SGCZ: variants seen among roughly 807,000 people sequenced by gnomAD.
The protein encoded by SGCZ is zeta-sarcoglycan.
SGCZ carries 40 observed loss-of-function variants against 41.3 expected under a neutral mutation model. The ratio of observed to expected loss-of-function variants is 0.97; its 90% CI spans 0.75 to 1.26. The LOEUF (loss-of-function observed/expected upper bound fraction) is 1.26. SGCZ is among the 50% of genes most tolerant of loss of function. The pLI is 0.00. For missense variants in SGCZ, 552 were observed against 369.8 expected, an observed-to-expected ratio of 1.49 and a Z score of -4.04; for synonymous variants, 206 against 137.5, an observed-to-expected ratio of 1.50 and a Z score of -3.49.
intron 1 of SGCZ, among the ~76,000 whole-genome samples, chr8:15,069,078 C>T (rs529294502): frequency 6.6e-6 from 1 of 152,188 alleles, no homozygotes; most frequent in African/African-American, 2.4e-5. Flanking sequence ...CACCAATATT[C>T]CAGAATGTTC....
chr8:14,370,291 T>C, intron 2 of SGCZ, among the ~76,000 whole-genome samples: 1 of 152,086 alleles, frequency 6.6e-6, no homozygotes. Flanking sequence ...ATATAGGAAA[T>C]TGTTGGCTTG....
intron 1 of SGCZ, among the ~76,000 whole-genome samples, chr8:14,702,233 G>T (rs548087737): frequency 2.7e-4 from 41 of 151,914 alleles, no homozygotes; most frequent in African/African-American, 9.9e-4. Flanking sequence ...ATTTCCACTT[G>T]GAAATCTCTT....
intron 1 of SGCZ, among the ~76,000 whole-genome samples, chr8:14,880,817 G>C (rs943526753): frequency 6.6e-6 from 1 of 152,112 alleles, no homozygotes; most frequent in Non-Finnish European, 1.5e-5. Context: ...GTCAGGGGAT[G>C]GGGGTGGGAT....
chr8:14,383,062 C>G (rs1295535504), intron 2 of SGCZ, among the ~76,000 whole-genome samples: 1 of 152,128 alleles, frequency 6.6e-6, no homozygotes, highest in African/African-American at 2.4e-5. Flanking sequence ...GTTTTGTTCC[C>G]AAAATTGTCC....
At chr8:15,227,128 T>C (rs892387201) in intron 1 of SGCZ, among the ~76,000 whole-genome samples, 1 of 152,060 alleles carries the variant, frequency 6.6e-6, no homozygotes, top group African/African-American at 2.4e-5. Flanking sequence ...GAGGTGCCCA[T>C]ACATAACCGG....
At position 15,237,559 on chromosome 8, in the gene SGCZ, C is replaced by T. The variant is rs755056565; in HGVS notation, c.39+26G>A. 7.6e-6 allele frequency: 12 copies of T among 1,583,974 alleles called. No homozygotes were observed. In the East Asian group the frequency reaches 2.5e-4, roughly 33 times the overall value. Reference sequence around the variant, plus strand: ...AGCAGGGAGCGCCGAGAAGCGGCCGCGAAGCCCGCCCGGACCCGCACGTAC... The same window carrying T: ...AGCAGGGAGCGCCGAGAAGCGGCCGTGAAGCCCGCCCGGACCCGCACGTAC... On this transcript the variant is annotated intron_variant, in intron 1 of 7. Coordinates refer to ENST00000382080, the MANE Select transcript of SGCZ (RefSeq NM_139167.4).
intron 5 of SGCZ, among the ~76,000 whole-genome samples, chr8:14,155,248 C>G (rs1047953209): frequency 5.9e-5 from 9 of 152,158 alleles, no homozygotes; most frequent in Non-Finnish European, 8.8e-5. Context: ...TGTGCTAAAT[C>G]TCTTCAAGTT....
Position 14,627,761 on chromosome 8 carries a change from G to T in SGCZ, c.40-72835C>A, listed in dbSNP as rs145773888. Among the ~76,000 whole-genome samples, 1,377 of 143,156 alleles carry T rather than the reference G, an allele frequency of 9.6e-3. 20 individuals are homozygous for T. The highest frequency in any genetic ancestry group is 0.033 in the African/African-American group (1,287 of 39,170). 93.9% of individuals were successfully genotyped at this position (143,156 alleles called of 152,430 possible). Reference sequence around the variant, plus strand: ...TCAATGAATTACTTCATTTTTTTTTGACTGCAATCATGAATACGTCTGCTG... The same window carrying T: ...TCAATGAATTACTTCATTTTTTTTTTACTGCAATCATGAATACGTCTGCTG... On this transcript the variant is annotated intron_variant, in intron 1 of 7. Transcript: ENST00000382080.
At chr8:15,092,975 C>A (rs532179166) in intron 1 of SGCZ, among the ~76,000 whole-genome samples, 1 of 152,182 alleles carries the variant, frequency 6.6e-6, no homozygotes, top group Non-Finnish European at 1.5e-5. Flanking sequence ...AGATCGCTGG[C>A]AGCCACATAT....
intron 5 of SGCZ, among the ~76,000 whole-genome samples, chr8:14,130,184 C>A (rs1802994907): frequency 6.6e-6 from 1 of 151,730 alleles, no homozygotes; most frequent in Admixed American, 6.6e-5. Flanking sequence ...AAATATATGG[C>A]CAACTGATTT....
At chr8:14,859,887 A>G (rs933661680) in intron 1 of SGCZ, among the ~76,000 whole-genome samples, 2 of 152,186 alleles carry the variant, frequency 1.3e-5, no homozygotes, top group African/African-American at 4.8e-5. Flanking sequence ...TATAGTAGAC[A>G]CTTAGTAAAT....
At chr8:15,117,740 A>G (rs1464067920) in intron 1 of SGCZ, among the ~76,000 whole-genome samples, 1 of 152,250 alleles carries the variant, frequency 6.6e-6, no homozygotes, top group Non-Finnish European at 1.5e-5. Context: ...AAAGCCATTT[A>G]CTAAGTTGAT....
intron 4 of SGCZ, among the ~76,000 whole-genome samples, chr8:14,197,907 A>T (rs1315706915): frequency 6.6e-6 from 1 of 152,120 alleles, no homozygotes; most frequent in Non-Finnish European, 1.5e-5. Flanking sequence ...ATATAAAATT[A>T]AAAAATATAT....
At chr8:14,538,230 G>A (rs570060263) in intron 2 of SGCZ, among the ~76,000 whole-genome samples, 16 of 151,988 alleles carry the variant, frequency 1.1e-4, no homozygotes, top group Non-Finnish European at 1.9e-4. Flanking sequence ...TCATGTCTCT[G>A]AATGCTTTTG....
intron 1 of SGCZ, among the ~76,000 whole-genome samples, chr8:14,921,570 T>C (rs886874612): frequency 7.3e-5 from 11 of 151,294 alleles, no homozygotes; most frequent in African/African-American, 2.7e-4. Flanking sequence ...AGCTACTCAG[T>C]GGGCATTTGC....
chr8:14,115,951 C>A (rs189353852), intron 5 of SGCZ, among the ~76,000 whole-genome samples: 34 of 152,188 alleles, frequency 2.2e-4, no homozygotes, highest in Admixed American at 1.8e-3. Context: ...GTGTTTTCCA[C>A]TGGCAGGTCA....
intron 1 of SGCZ, among the ~76,000 whole-genome samples, chr8:15,053,574 A>G (rs1161779744): frequency 6.6e-6 from 1 of 152,150 alleles, no homozygotes; most frequent in East Asian, 1.9e-4. Context: ...TAGGTGAAAA[A>G]CGATATATCC....
chr8:14,710,264 G>A (rs112490613), intron 1 of SGCZ, among the ~76,000 whole-genome samples: 2,323 of 151,622 alleles, frequency 0.015, 28 homozygotes, highest in South Asian at 0.067. Flanking sequence ...CCACTACGCC[G>A]GAGGCTGAGG....
chr8:14,110,542 T>G (rs111494202), intron 5 of SGCZ, among the ~76,000 whole-genome samples: 26 of 152,234 alleles, frequency 1.7e-4, no homozygotes, highest in African/African-American at 6.0e-4. Context: ...GAAATAAATA[T>G]GTAATCATAC....
Sources: allele counts gnomAD v4.1 joint callset (sites outside exome capture counted in the v4.1 genomes callset), GRCh38; gene constraint gnomAD v4.1.1; transcripts MANE v1.5; gene names NCBI Gene and HGNC (gene_info 2026-07-23, HGNC 2026-07-21).